Variants in SLC37A3 observed in about 807,000 individuals in gnomAD.
SLC37A3 encodes the protein sugar phosphate exchanger 3.
A neutral mutation model predicts 67.1 loss-of-function variants in SLC37A3; 51 were observed. The ratio of observed to expected loss-of-function variants is 0.76; its 90% CI spans 0.61 to 0.96. SLC37A3 has a LOEUF of 0.96. Ranked by LOEUF, SLC37A3 falls within the 40% of genes least tolerant of loss-of-function variation. The pLI is 0.00. For synonymous variants in SLC37A3, 214 were observed against 231.4 expected (o/e 0.92, Z 0.68); for missense variants, 508 against 603.0 (o/e 0.84, Z 1.65).
At chr7:140,371,515 C>T (rs7777468) in intron 3 of SLC37A3, among the ~76,000 whole-genome samples, 23,226 of 152,044 alleles carry the variant, frequency 0.15, 2,315 homozygotes, top group African/African-American at 0.28. Flanking sequence ...TGTATGATTC[C>T]GCAGGATGTT....
At chr7:140,340,293 C>CTTTTTTTTTTTT (rs35512830) in intron 13 of SLC37A3, among the ~76,000 whole-genome samples, 2 of 141,912 alleles carry the variant, frequency 1.4e-5, no homozygotes, top group Non-Finnish European at 3.0e-5. Flanking sequence ...CAACCTCATT[C>CTTTTTTTTTTTT]TTTTTTTTTT....
rs571724850 is a variant in SLC37A3, at chr7:140,337,272, G to C, written c.1392+12C>G. 2 of 1,570,452 alleles carry C rather than the reference G, an allele frequency of 1.3e-6. No homozygotes were observed. Among genetic ancestry groups the C allele is most frequent in the African/African-American group, 1.4e-5 (1 of 71,754 alleles). ...AAATGACTTTTTTTTTTTTAAAGGG[G>C]CACACACTTACCATGAGAATGAAAA... On this transcript the variant is annotated intron_variant, in intron 14 of 14. Coordinates refer to ENST00000326232, the MANE Select transcript of SLC37A3 (RefSeq NM_207113.3).
In SLC37A3 at chr7:140,334,832, A is replaced by G. The variant is rs1235823725; in HGVS notation, c.*580T>C. ...AGACACAGAGTGACTGAGCCAATCA[A>G]CAGGCATGTAGTGTGATCTTTCCCA... On this transcript the variant is annotated 3_prime_UTR_variant, in exon 15 of 15. Coordinates refer to ENST00000326232, the MANE Select transcript of SLC37A3 (RefSeq NM_207113.3). 1 of 183,600 alleles carries G rather than the reference A, an allele frequency of 5.4e-6. No individual in the cohort carries two copies. Among genetic ancestry groups the G allele is most frequent in the Non-Finnish European group, 1.2e-5 (1 of 85,960 alleles). The allele number at this position is 183,600 out of a possible 1,614,324, so 11.4% of individuals were successfully genotyped here.
At chr7:140,376,316 T>C (rs920557827) in intron 3 of SLC37A3, among the ~76,000 whole-genome samples, 11 of 152,288 alleles carry the variant, frequency 7.2e-5, no homozygotes, top group Admixed American at 3.3e-4. Flanking sequence ...CTCAGATCAG[T>C]ATGACTATAC....
chr7:140,350,151 T>A (rs1409018456), intron 9 of SLC37A3, among the ~76,000 whole-genome samples: 3 of 152,128 alleles, frequency 2.0e-5, no homozygotes, highest in African/African-American at 7.2e-5. Flanking sequence ...AGGTGCTTGT[T>A]CAAAACACAA....
intron 5 of SLC37A3, 35 bp from the exon 6 acceptor site, chr7:140,358,820 G>T (rs756023203): frequency 1.2e-6 from 2 of 1,612,386 alleles, no homozygotes; most frequent in African/African-American, 2.7e-5. Flanking sequence ...ATATGTAACA[G>T]CCACACTGAC....
chr7:140,365,971 T>C (rs1797585377), intron 4 of SLC37A3, among the ~76,000 whole-genome samples: 1 of 118,208 alleles, frequency 8.5e-6, no homozygotes, highest in African/African-American at 3.3e-5. Context: ...AGAGTCTCAC[T>C]CTGTCATCCA....
At chr7:140,380,474 T>C (rs1798208568) in intron 2 of SLC37A3, 84 bp from the exon 3 acceptor site, 1 of 921,792 alleles carries the variant, frequency 1.1e-6, no homozygotes, top group East Asian at 2.9e-5. Flanking sequence ...CCATTTCTTT[T>C]ATTCAATTTT....
intron 5 of SLC37A3, among the ~76,000 whole-genome samples, chr7:140,363,873 A>G (rs1797487063): frequency 6.6e-6 from 1 of 152,080 alleles, no homozygotes; most frequent in Admixed American, 6.6e-5. Context: ...GCCAGGGTGT[A>G]GTGAATGCCA....
At chr7:140,359,170 C>T (rs967055150) in intron 5 of SLC37A3, among the ~76,000 whole-genome samples, 4 of 151,098 alleles carry the variant, frequency 2.6e-5, no homozygotes, top group Non-Finnish European at 5.9e-5. Context: ...GGTGAAACCC[C>T]GTCTCTAATG....
At chr7:140,345,117 G>C (rs1220233002) in intron 12 of SLC37A3, 99 bp downstream of exon 12, 36 of 1,027,650 alleles carry the variant, frequency 3.5e-5, no homozygotes, top group Non-Finnish European at 5.3e-5. Flanking sequence ...CTGTAATTAA[G>C]GTTTCGGTAC....
chr7:140,357,848 C>T (rs1008574157), intron 6 of SLC37A3, among the ~76,000 whole-genome samples: 18 of 150,142 alleles, frequency 1.2e-4, no homozygotes, highest in African/African-American at 3.7e-4. Flanking sequence ...ACCTGGGAGG[C>T]GGAGGTTGCA....
At chr7:140,381,032 G>T (rs748914826) in intron 2 of SLC37A3, among the ~76,000 whole-genome samples, 25 of 151,348 alleles carry the variant, frequency 1.7e-4, no homozygotes, top group Non-Finnish European at 1.5e-5. Context: ...CGAGTAGCTG[G>T]GATCACAGGC....
chr7:140,370,592 C>T (rs1480331365), intron 3 of SLC37A3: 2 of 149,260 alleles, frequency 1.3e-5, no homozygotes, highest in Admixed American at 6.7e-5. Context: ...TTCCTCCAGT[C>T]AGTGGTTGCC....
chr7:140,340,931 CA>C (rs35222116), intron 13 of SLC37A3, among the ~76,000 whole-genome samples: 82,069 of 145,344 alleles, frequency 0.56, 24,924 homozygotes, highest in African/African-American at 0.81. Flanking sequence ...GATGCTGTCT[CA>C]AAAAAAAAAA....
chr7:140,341,614 T>C (rs558058479), intron 13 of SLC37A3, among the ~76,000 whole-genome samples: 1 of 152,232 alleles, frequency 6.6e-6, no homozygotes, highest in South Asian at 2.1e-4. Flanking sequence ...AAACTCAACA[T>C]GGAAGAGGAA....
chr7:140,345,049 AC>A (rs1330888571), intron 12 of SLC37A3, among the ~76,000 whole-genome samples, 166 bp downstream of exon 12: 1 of 152,234 alleles, frequency 6.6e-6, no homozygotes, highest in Non-Finnish European at 1.5e-5. Flanking sequence ...CATGTAAGAA[AC>A]AGCAGAGAAA....
At chr7:140,345,604 C>T (rs186797863) in intron 11 of SLC37A3, among the ~76,000 whole-genome samples, 40 of 152,248 alleles carry the variant, frequency 2.6e-4, no homozygotes, top group African/African-American at 9.6e-4. Flanking sequence ...CCTCTGGAGC[C>T]TCCCCCAAAC....
chr7:140,389,610 T>G (rs1798646294), intron 1 of SLC37A3, among the ~76,000 whole-genome samples: 1 of 152,152 alleles, frequency 6.6e-6, no homozygotes, highest in African/African-American at 2.4e-5. Flanking sequence ...GCAGTTCCCC[T>G]GTCTTGATAA....
Sources: allele counts gnomAD v4.1 joint callset (sites outside exome capture counted in the v4.1 genomes callset), GRCh38; gene constraint gnomAD v4.1.1; transcripts MANE v1.5; gene names NCBI Gene and HGNC (gene_info 2026-07-23, HGNC 2026-07-21).